PPP1R2: variants seen among roughly 807,000 people sequenced by gnomAD.
The protein encoded by PPP1R2 is protein phosphatase inhibitor 2.
PPP1R2 carries 16 observed loss-of-function variants against 29.9 expected under a neutral mutation model. The ratio of observed to expected loss-of-function variants is 0.53; its 90% CI spans 0.36 to 0.81. PPP1R2 has a LOEUF of 0.81. PPP1R2 is among the 30% of genes least tolerant of loss of function. The pLI is 0.00. For synonymous variants in PPP1R2, 76 were observed against 91.5 expected (o/e 0.83, Z 0.96); for missense variants, 197 against 252.7 (o/e 0.78, Z 1.49).
chr3:195,518,655 A>G (rs937241091), intron 5 of PPP1R2, among the ~76,000 whole-genome samples: 1 of 152,112 alleles, frequency 6.6e-6, no homozygotes, highest in Non-Finnish European at 1.5e-5. Context: ...TGTCTCAAAA[A>G]AAAAAAAAAA....
intron 1 of PPP1R2, among the ~76,000 whole-genome samples, chr3:195,530,539 G>C (rs1202553273): frequency 6.6e-6 from 1 of 152,166 alleles, no homozygotes; most frequent in Non-Finnish European, 1.5e-5. Context: ...TTTTTGTTTT[G>C]TTTTGAGACG....
intron 2 of PPP1R2, among the ~76,000 whole-genome samples, chr3:195,526,801 G>C (rs1442254019): frequency 2.0e-5 from 3 of 151,824 alleles, no homozygotes; most frequent in Non-Finnish European, 4.4e-5. Flanking sequence ...TTTTATTTGA[G>C]ACAGAGTTTC....
intron 1 of PPP1R2, among the ~76,000 whole-genome samples, chr3:195,537,613 A>G (rs544774714): frequency 4.1e-4 from 63 of 152,166 alleles, no homozygotes; most frequent in Non-Finnish European, 8.1e-4. Context: ...TTTGCCTATC[A>G]GAAATCTTCC....
chr3:195,516,522 C>A lies in PPP1R2; in HGVS notation c.*374G>T. 5.6e-6 allele frequency: 1 copy of A among 180,034 alleles called. No homozygotes were observed. Among genetic ancestry groups the A allele is most frequent in the East Asian group, 1.4e-4 (1 of 6,942 alleles). The allele number at this position is 180,034 out of a possible 1,614,324, so 11.2% of individuals were successfully genotyped here. A position where few individuals can be genotyped will look rare whatever the true frequency, so the allele number is the denominator to read the frequency against. ...TTTTTAAAAAAATCAAATCAATAAA[C>A]TTTGTAAGAGCTACCACATTTCAAG... is the stretch of plus-strand genomic sequence containing the variant. On this transcript the variant is annotated 3_prime_UTR_variant, in exon 6 of 6. Transcript: ENST00000618156.
chr3:195,534,544 T>C (rs1157651843), intron 1 of PPP1R2, among the ~76,000 whole-genome samples: 1 of 152,160 alleles, frequency 6.6e-6, no homozygotes, highest in African/African-American at 2.4e-5. Context: ...TGTCCTTAAC[T>C]ATAAAGCTGC....
intron 5 of PPP1R2, among the ~76,000 whole-genome samples, 194 bp from the exon 6 acceptor site, chr3:195,517,136 G>A (rs1451686334): frequency 6.6e-6 from 1 of 152,100 alleles, no homozygotes; most frequent in Non-Finnish European, 1.5e-5. Context: ...GAACAGAAGT[G>A]TCTACTTGCT....
At chr3:195,539,054 C>T (rs985936658) in intron 1 of PPP1R2, among the ~76,000 whole-genome samples, 4 of 152,222 alleles carry the variant, frequency 2.6e-5, no homozygotes, top group Admixed American at 6.5e-5. Context: ...TACATTTTCA[C>T]ATCTCTGAAA....
In PPP1R2 at chr3:195,543,313, G is replaced by T. The variant is rs1407203186; in HGVS notation, c.-288C>A. The T allele has an allele frequency of 3.8e-5, 10 of 259,794 alleles. No homozygotes were observed. The East Asian group carries it at 7.3e-4, about 19-fold the overall frequency. 16.1% of individuals were successfully genotyped at this position (259,794 alleles called of 1,614,324 possible). A position where few individuals can be genotyped will look rare whatever the true frequency, so the allele number is the denominator to read the frequency against. ...CCTAGAGCTCCAGCGCAGGAGCGACGCGACGCCGAAGCCAAGCGGACCCGC... is the reference window on the plus strand; with the variant it reads ...CCTAGAGCTCCAGCGCAGGAGCGACTCGACGCCGAAGCCAAGCGGACCCGC... On this transcript the variant is annotated 5_prime_UTR_variant, in exon 1 of 6. Coordinates refer to ENST00000618156, the MANE Select transcript of PPP1R2 (RefSeq NM_006241.8).
intron 1 of PPP1R2, among the ~76,000 whole-genome samples, chr3:195,534,562 G>A (rs963260767): frequency 4.6e-5 from 7 of 152,126 alleles, no homozygotes; most frequent in South Asian, 2.1e-4. Flanking sequence ...TGCTAACCCC[G>A]GAGCCTTGAA....
chr3:195,527,982 T>G, intron 2 of PPP1R2: 1 of 314,358 alleles, frequency 3.2e-6, no homozygotes, highest in Non-Finnish European at 6.2e-6. Flanking sequence ...AATTTTATTG[T>G]TTTTCTTCCC....
At chr3:195,540,057 T>A (rs1719536570) in intron 1 of PPP1R2, among the ~76,000 whole-genome samples, 2 of 152,204 alleles carry the variant, frequency 1.3e-5, no homozygotes, top group Non-Finnish European at 2.9e-5. Context: ...CGAAGACACC[T>A]ATAAAAGGTA....
Position 195,542,812 on chromosome 3 carries a change from G to A in PPP1R2, c.122+92C>T, listed in dbSNP as rs1269078271. ...AAGAGACTCGAGCGGCACCCGAGCC[G>A]CATCCACGCCGCCCGCCCGCCCCTG... On this transcript the variant is annotated intron_variant, in intron 1 of 5. Coordinates refer to ENST00000618156, the MANE Select transcript of PPP1R2 (RefSeq NM_006241.8). 6 of 1,405,110 alleles carry A rather than the reference G, an allele frequency of 4.3e-6. No individual in the cohort carries two copies. The East Asian group carries it at 1.4e-4, about 33-fold the overall frequency. 87.0% of individuals were successfully genotyped at this position (1,405,110 alleles called of 1,614,324 possible).
Position 195,516,810 on chromosome 3 carries a change from T to G in PPP1R2, c.*86A>C, listed in dbSNP as rs1718562795. 1 of 1,173,240 alleles carries G rather than the reference T, an allele frequency of 8.5e-7. No individual in the cohort carries two copies. Among genetic ancestry groups the G allele is most frequent in the African/African-American group, 1.5e-5 (1 of 66,254 alleles). 72.7% of individuals were successfully genotyped at this position (1,173,240 alleles called of 1,614,324 possible). On this transcript the variant is annotated 3_prime_UTR_variant, in exon 6 of 6. Coordinates refer to ENST00000618156, the MANE Select transcript of PPP1R2 (RefSeq NM_006241.8). ...ACTGGTATGCATTTTGGTACTTAAGTCATGAATTGTGAAGAACAAGAAGCA... is the reference window on the plus strand; with the variant it reads ...ACTGGTATGCATTTTGGTACTTAAGGCATGAATTGTGAAGAACAAGAAGCA...
At chr3:195,529,701 T>C in intron 2 of PPP1R2, 93 bp downstream of exon 2, 7 of 896,836 alleles carry the variant, frequency 7.8e-6, no homozygotes, top group Non-Finnish European at 1.2e-5. Flanking sequence ...AAATCTACAA[T>C]AAAACAAATT....
At chr3:195,526,088 C>T (rs1397355565) in intron 2 of PPP1R2, among the ~76,000 whole-genome samples, 1 of 142,286 alleles carries the variant, frequency 7.0e-6, no homozygotes, top group Non-Finnish European at 1.5e-5. Flanking sequence ...TAAAAAGCAT[C>T]TTCACTTAAA....
chr3:195,539,515 C>T (rs1382504488), intron 1 of PPP1R2, among the ~76,000 whole-genome samples: 1 of 152,060 alleles, frequency 6.6e-6, no homozygotes, highest in Non-Finnish European at 1.5e-5. Context: ...AGTTTGAGAC[C>T]AGCCTGAGCA....
In PPP1R2 at chr3:195,523,676, A is replaced by C. The variant is rs376533790; in HGVS notation, c.403+16T>G. The C allele has an allele frequency of 1.3e-4, 207 of 1,597,500 alleles. No individual in the cohort carries two copies. The highest frequency in any genetic ancestry group is 1.7e-4 in the Non-Finnish European group (196 of 1,165,476). Reference sequence around the variant, plus strand: ...TTACTAGCACCATGATGAAAGCAGTAAAGGAAATAAACTACCTCGTTCTTC... The same window carrying C: ...TTACTAGCACCATGATGAAAGCAGTCAAGGAAATAAACTACCTCGTTCTTC... On this transcript the variant is annotated intron_variant, in intron 4 of 5. Coordinates refer to ENST00000618156, the MANE Select transcript of PPP1R2 (RefSeq NM_006241.8).
At chr3:195,521,053 C>A (rs897306690) in intron 4 of PPP1R2, among the ~76,000 whole-genome samples, 1 of 152,016 alleles carries the variant, frequency 6.6e-6, no homozygotes. Context: ...GCAGTGCTCA[C>A]GCCTGTAATC....
Position 195,515,010 on chromosome 3 carries a change from CA to C in PPP1R2, c.*1885del, listed in dbSNP as rs3988245. 78,133 of 209,912 alleles carry C rather than the reference CA, an allele frequency of 0.37. 12,003 individuals carry two copies. Among genetic ancestry groups the C allele is most frequent in the East Asian group, 0.71 (5,257 of 7,408 alleles). The allele number at this position is 209,912 out of a possible 1,614,324, so 13.0% of individuals were successfully genotyped here. ...CTTCACTCTATGACAGCTACTTCTA[CA>C]AAAAAAAAAAAAGAGTATGTGGGTA... is the stretch of plus-strand genomic sequence containing the variant. On this transcript the variant is annotated 3_prime_UTR_variant, in exon 6 of 6. Coordinates refer to ENST00000618156, the MANE Select transcript of PPP1R2 (RefSeq NM_006241.8).
Sources: gnomAD v4.1 joint callset for allele counts (sites outside exome capture counted in the v4.1 genomes callset) on GRCh38, gnomAD v4.1.1 for gene constraint, MANE v1.5 for transcripts, NCBI Gene and HGNC (gene_info 2026-07-23, HGNC 2026-07-21) for gene names.